Variants in C3 observed in about 807,000 individuals in gnomAD.
C3 encodes C3 and PZP-like alpha-2-macroglobulin domain-containing protein 1.
In C3, 97 loss-of-function variants were observed where a neutral mutation model predicts 207.9. The observed-to-expected ratio is 0.47, with a 90% confidence interval of 0.40 to 0.55. The LOEUF (loss-of-function observed/expected upper bound fraction) is 0.55, where lower values mean the gene tolerates loss of function less well. C3 is among the 20% of genes least tolerant of loss of function. The pLI is 0.00. For missense variants in C3, 1,684 were observed against 2,171.7 expected (o/e 0.78, Z 4.46); for synonymous variants, 848 against 857.6 (o/e 0.99, Z 0.20).
chr19:6,707,296 A>G, intron 16 of C3, 23 bp from the exon 17 acceptor site: 2 of 1,604,262 alleles, frequency 1.2e-6, no homozygotes, highest in Non-Finnish European at 1.7e-6. Flanking sequence ...GTGTTCCCCC[A>G]GGCCACACCC....
At chr19:6,696,702 A>G in intron 21 of C3, 43 bp from the exon 22 acceptor site, 1 of 1,553,786 alleles carries the variant, frequency 6.4e-7, no homozygotes, top group South Asian at 1.1e-5. Context: ...GATGAATAAA[A>G]GAACAGACAG....
Position 6,719,060 on chromosome 19 carries a change from G to T in C3, c.267+151C>A, listed in dbSNP as rs1007368411. On this transcript the variant is annotated intron_variant, in intron 2 of 40. Coordinates refer to ENST00000245907, the MANE Select transcript of C3 (RefSeq NM_000064.4). This position sits in a 1 kb window ranked among gnomAD's most constrained non-coding sequence, Gnocchi z 5.4. ...GGGTGGAGTCTCAGAGAAGGGAGGG[G>T]CTTAGAAGGAGAGGCGACTCCGAAG... is the stretch of plus-strand genomic sequence containing the variant. 5.5e-6 allele frequency: 4 copies of T among 723,124 alleles called. No homozygotes were observed. The highest frequency in any genetic ancestry group is 9.9e-6 in the Non-Finnish European group (4 of 405,046). 44.8% of individuals were successfully genotyped at this position (723,124 alleles called of 1,614,324 possible).
chr19:6,719,997 G>A lies in C3; in HGVS notation c.74+519C>T, dbSNP rs969312235. ...AGTAGCCAATCTTTAAACCCACACT[G>A]AAAATTGCAAGTCCCCAAGCTGCAA... On this transcript the variant is annotated intron_variant, in intron 1 of 40. Transcript: ENST00000245907. This position sits in a 1 kb window ranked among gnomAD's most constrained non-coding sequence, Gnocchi z 5.4. 2.0e-5 allele frequency among the ~76,000 whole-genome samples: 3 copies of A among 152,014 alleles called. No individual in the cohort carries two copies. The highest frequency in any genetic ancestry group is 7.3e-5 in the African/African-American group (3 of 41,358).
chr19:6,694,460 C>T lies in C3; in HGVS notation c.3125G>A (p.Arg1042Gln), dbSNP rs1422658316. ...CTTGATGAGCTCCAAGGCCCCCTGCCGCTTCTCTAGGCCGAACTTCTCCCA... is the reference window on the plus strand; with the variant it reads ...CTTGATGAGCTCCAAGGCCCCCTGCTGCTTCTCTAGGCCGAACTTCTCCCA... ...EQWEKFGLEK[R>Q]QGALELIKKG... The change falls in exon 24 of 41, where the codon CGG (arginine) becomes CAG (glutamine). Residue 1042 changes from arginine to glutamine, a missense_variant. Arg to Gln is a conservative substitution (Grantham distance 43). Around this residue, in one of 3 missense-constraint regions of C3, gnomAD observed 1,280 missense variants for 1,739.1 expected, o/e 0.74. Transcript: ENST00000245907. The T allele has an allele frequency of 1.9e-6, 3 of 1,613,986 alleles. No homozygotes were observed. Among genetic ancestry groups the T allele is most frequent in the Admixed American group, 3.3e-5 (2 of 60,002 alleles).
At chr19:6,689,070 GCCA>G (rs1448371355) in intron 27 of C3, among the ~76,000 whole-genome samples, 3 of 152,138 alleles carry the variant, frequency 2.0e-5, no homozygotes, top group African/African-American at 7.2e-5. Context: ...AGTCCCTGAG[GCCA>G]CCTTCATCTC....
At position 6,707,207 on chromosome 19, in the gene C3, A is replaced by G. The variant is rs1482363768; in HGVS notation, c.2114T>C (p.Phe705Ser). The stretch of plus-strand genomic sequence containing the variant: ...GAAACGGGTCCGGCGCTGGCACGAG[A>G]ACCTCATGGGGTTCTCCCGCATGCC... ...EDGMRENPMR[F>S]SCQRRTRFIS... Residue 705 changes from phenylalanine to serine, a missense_variant, in exon 17 of 41, where the codon TTC becomes TCC. Transcript: ENST00000245907. The G allele has an allele frequency of 6.2e-7, 1 of 1,613,672 alleles. No homozygotes were observed.
In C3 at chr19:6,688,861, T is replaced by C. The variant is rs534141497; in HGVS notation, c.3489+1768A>G. ...GCCATGTCTGCCCCCTGAGACCTAC[T>C]TCCTGTCCTTAGCTGATTGGTCCAG... On this transcript the variant is annotated intron_variant, in intron 27 of 40. Coordinates refer to ENST00000245907, the MANE Select transcript of C3 (RefSeq NM_000064.4). 1.4e-4 allele frequency among the ~76,000 whole-genome samples: 21 copies of C among 152,360 alleles called. No individual in the cohort carries two copies. The South Asian group carries it at 4.3e-3, about 32-fold the overall frequency.
intron 26 of C3, 29 bp downstream of exon 26, chr19:6,692,895 C>A: frequency 6.2e-7 from 1 of 1,612,506 alleles, no homozygotes; most frequent in Non-Finnish European, 8.5e-7. Context: ...CCCCTCTCTT[C>A]CATTTTGCCC....
intron 6 of C3, 31 bp downstream of exon 6, chr19:6,714,135 A>G (rs750264141): frequency 3.1e-6 from 5 of 1,607,182 alleles, no homozygotes; most frequent in Non-Finnish European, 4.3e-6. Context: ...CGTTCTGGGC[A>G]CTGACTCCCC....
intron 24 of C3, 57 bp downstream of exon 24, chr19:6,694,374 G>A: frequency 6.7e-7 from 1 of 1,496,182 alleles, no homozygotes; most frequent in Non-Finnish European, 9.3e-7. Flanking sequence ...GGATCTTAGG[G>A]GAGGGATGCG....
Position 6,678,028 on chromosome 19 carries a change from AGGGAAGAAT to A in C3, c.4851-14_4851-6del. On this transcript the variant is annotated splice_polypyrimidine_tract_variant and splice_region_variant and intron_variant, in intron 40 of 40. Coordinates refer to ENST00000245907, the MANE Select transcript of C3 (RefSeq NM_000064.4). ...TTCCCGATGATGTAGCTGAGGCTGG[AGGGAAGAAT>A]GGCAGGTCAGGAAGGGGCGTGGTGT... The A allele has an allele frequency of 1.2e-6, 2 of 1,613,890 alleles. No individual in the cohort carries two copies. The highest frequency in any genetic ancestry group is 1.7e-6 in the Non-Finnish European group (2 of 1,179,962).
chr19:6,710,625 C>T lies in C3; in HGVS notation c.1686+14G>A. 6.2e-7 allele frequency: 1 copy of T among 1,608,550 alleles called. No individual in the cohort carries two copies. Among genetic ancestry groups the T allele is most frequent in the Non-Finnish European group, 8.5e-7 (1 of 1,176,562 alleles). On this transcript the variant is annotated intron_variant, in intron 13 of 40. Coordinates refer to ENST00000245907, the MANE Select transcript of C3 (RefSeq NM_000064.4). Reference sequence around the variant, plus strand: ...GAGAGGGAGAGGGGGCGAGCGAGCCCAGGGCACACTTACCGAGCCCACGCA... The same window carrying T: ...GAGAGGGAGAGGGGGCGAGCGAGCCTAGGGCACACTTACCGAGCCCACGCA...
rs1166897691 is a variant in C3 at position 6,713,249 on chromosome 19, G to C, written c.943C>G (p.Arg315Gly). Residue 315 changes from arginine (R) to glycine (G), a missense_variant, in exon 9 of 41, where the codon CGA (arginine) becomes GGA (glycine). Physicochemically the swap from Arg to Gly is moderately radical, Grantham distance 125. This residue lies in a region of C3 where 1,280 missense variants were observed against 1,739.1 expected (regional missense o/e 0.74). Coordinates refer to ENST00000245907, the MANE Select transcript of C3 (RefSeq NM_000064.4). The stretch of plus-strand genomic sequence containing the variant: ...GACTTCCCCACCAGGTCTTCTGCTC[G>C]GGGGTTCTGCACCCCGTCCAGCAGT... ...KVLLDGVQNP[R>G]AEDLVGKSLY... 3.1e-6 allele frequency: 5 copies of C among 1,613,664 alleles called. No individual in the cohort carries two copies. The Admixed American group carries it at 8.3e-5, about 27-fold the overall frequency.
At chr19:6,702,818 G>C in intron 17 of C3, 1 of 441,980 alleles carries the variant, frequency 2.3e-6, no homozygotes, top group South Asian at 2.0e-5. Context: ...TGGATCGCTT[G>C]AGGTCAGGAC....
intron 7 of C3, 36 bp from the exon 8 acceptor site, chr19:6,713,545 C>A (rs775994850): frequency 2.7e-6 from 4 of 1,505,706 alleles, no homozygotes; most frequent in African/African-American, 1.4e-5. Flanking sequence ...AGGTCCATCC[C>A]TCCTGGAGAA....
At chr19:6,686,407 AT>A in intron 28 of C3, 120 bp from the exon 29 acceptor site, 1 of 1,085,666 alleles carries the variant, frequency 9.2e-7, no homozygotes, top group Non-Finnish European at 1.4e-6. Context: ...CCTGGCTGAC[AT>A]TCGAGGCTCT....
In C3 at chr19:6,681,939, A is replaced by G. The variant is rs1331311698; in HGVS notation, c.4350+2T>C. ...TCCCAGGGGAGGATGATGCAGCCTT[A>G]CCTTGTCCAGGTAGATGATGAGGGT... is the stretch of plus-strand genomic sequence containing the variant. On this transcript the variant is annotated splice_donor_variant, in intron 35 of 40. Transcript: ENST00000245907. LOFTEE classifies it high-confidence loss of function. 8 of 1,611,820 alleles carry G rather than the reference A, an allele frequency of 5.0e-6. No homozygotes were observed. Among genetic ancestry groups the G allele is most frequent in the Non-Finnish European group, 6.8e-6 (8 of 1,178,156 alleles).
At position 6,713,178 on chromosome 19, in the gene C3, C is replaced by T; in HGVS notation, c.1003+11G>A. 6.2e-7 allele frequency: 1 copy of T among 1,613,720 alleles called. No homozygotes were observed. The highest frequency in any genetic ancestry group is 8.5e-7 in the Non-Finnish European group (1 of 1,179,994). On this transcript the variant is annotated intron_variant, in intron 9 of 40. Coordinates refer to ENST00000245907, the MANE Select transcript of C3 (RefSeq NM_000064.4). ...GGTGGTCCTGAGCCTGGCCTTCAGA[C>T]TGGGCCTCACCTGAGTGCAAGATGA...
rs2642207 is a variant in C3, at chr19:6,701,879, A to C, written c.2440+248T>G. On this transcript the variant is annotated intron_variant, in intron 19 of 40. Coordinates refer to ENST00000245907, the MANE Select transcript of C3 (RefSeq NM_000064.4). ...TATTTTTCCAGGGGGACCAGCCCAG[A>C]GCTGTTTCTTCCTTCAATAAACTCT... 0.66 allele frequency among the ~76,000 whole-genome samples: 100,198 copies of C among 151,922 alleles called. 33,395 individuals are homozygous for C. The highest frequency in any genetic ancestry group is 0.84 in the East Asian group (4,358 of 5,176).
Sources: gnomAD v4.1 joint callset for allele counts (sites outside exome capture counted in the v4.1 genomes callset) on GRCh38, gnomAD v4.1.1 for gene constraint, gnomAD v4.1.1 regional missense constraint, Gnocchi (gnomAD v3.1) non-coding constraint, MANE v1.5 for transcripts, NCBI Gene and HGNC (gene_info 2026-07-23, HGNC 2026-07-21) for gene names.